CFAP61: variants seen among roughly 807,000 people sequenced by gnomAD.
CFAP61 encodes the protein cilia and flagella associated protein 61.
In CFAP61, 107 loss-of-function variants were observed where a neutral mutation model predicts 135.6. That is an observed-to-expected ratio of 0.79 (90% CI 0.67 to 0.93). CFAP61 has a LOEUF of 0.93. Among genes scored for constraint, CFAP61 ranks in the 40% least tolerant of loss-of-function variants. The pLI is 0.00. For synonymous variants in CFAP61, 575 were observed against 578.5 expected (o/e 0.99, Z 0.09); for missense variants, 1,507 against 1,556.2 (o/e 0.97, Z 0.53).
rs1217985171 is a variant in CFAP61 at position 20,091,047 on chromosome 20, G to A, written c.699+71G>A. ...GGGATGTGAGTGGTGTTGCTCTTGCGTTGCTGGGCACCCCTGGAGCTGCCA... is the reference window on the plus strand; with the variant it reads ...GGGATGTGAGTGGTGTTGCTCTTGCATTGCTGGGCACCCCTGGAGCTGCCA... On this transcript the variant is annotated intron_variant, in intron 7 of 26. Transcript: ENST00000245957. The A allele has an allele frequency of 6.5e-6, 10 of 1,548,748 alleles. No homozygotes were observed. The South Asian group carries it at 7.0e-5, about 11-fold the overall frequency.
At chr20:20,074,948 C>G (rs2045951066) in intron 4 of CFAP61, among the ~76,000 whole-genome samples, 1 of 152,012 alleles carries the variant, frequency 6.6e-6, no homozygotes, top group Non-Finnish European at 1.5e-5. Context: ...AACATGGCAC[C>G]CTTTATTCTC....
intron 13 of CFAP61, among the ~76,000 whole-genome samples, chr20:20,186,189 C>T (rs1018385901): frequency 2.0e-5 from 3 of 152,216 alleles, no homozygotes; most frequent in East Asian, 3.9e-4. Context: ...CTCTTCTCCC[C>T]TCAGCCCCCA....
intron 17 of CFAP61, 79 bp from the exon 18 acceptor site, chr20:20,228,170 T>C: frequency 7.4e-7 from 1 of 1,356,802 alleles, no homozygotes; most frequent in Non-Finnish European, 1.0e-6. Flanking sequence ...TAGATAATTC[T>C]ACATAGTTGC....
chr20:20,149,455 C>G (rs1404272854), intron 9 of CFAP61, among the ~76,000 whole-genome samples: 4 of 152,262 alleles, frequency 2.6e-5, no homozygotes, highest in Middle Eastern at 3.4e-3. Flanking sequence ...CCAGGAAAAC[C>G]AAAAGAAACC....
intron 15 of CFAP61, among the ~76,000 whole-genome samples, chr20:20,195,670 C>G (rs1041060799): frequency 1.3e-5 from 2 of 152,176 alleles, no homozygotes; most frequent in African/African-American, 4.8e-5. Flanking sequence ...TTTAAATTAC[C>G]TTCCTCTGTA....
intron 25 of CFAP61, among the ~76,000 whole-genome samples, chr20:20,315,152 A>C (rs993576520): frequency 6.6e-6 from 1 of 151,654 alleles, no homozygotes; most frequent in African/African-American, 2.4e-5. Context: ...CAGTCCCACC[A>C]ACAGTGTAAA....
rs79493447 is a variant in CFAP61 at position 20,155,919 on chromosome 20, G to T, written c.952-3451G>T. Among the ~76,000 whole-genome samples, 833 of 152,256 alleles carry T rather than the reference G, an allele frequency of 5.5e-3. 2 individuals carry two copies. The highest frequency in any genetic ancestry group is 8.4e-3 in the Non-Finnish European group (571 of 67,986). ...TTTGATCCAGCAGTCCCACTACTGG[G>T]TGTCTACCGAGTGGAAAAGAAGTCA... On this transcript the variant is annotated intron_variant, in intron 9 of 26. Transcript: ENST00000245957.
chr20:20,258,310 G>C (rs953674748), intron 20 of CFAP61: 1 of 152,140 alleles, frequency 6.6e-6, no homozygotes, highest in Non-Finnish European at 1.5e-5. Context: ...TCTTGATCAA[G>C]GGTAAAATCC....
intron 13 of CFAP61, among the ~76,000 whole-genome samples, chr20:20,181,159 A>G (rs2055037830): frequency 8.8e-6 from 1 of 113,310 alleles, no homozygotes; most frequent in Admixed American, 8.9e-5. Flanking sequence ...ATTTAAAGTA[A>G]AAGTTATATA....
In CFAP61 at chr20:20,081,000, C is replaced by CA. The variant is rs796113908; in HGVS notation, c.566+5396dup. ...CTGGCGACAGAGCAAGACTCCATCT[C>CA]AAAAAAAAAAAGAAAAGAAAAAAGG... is the stretch of plus-strand genomic sequence containing the variant. On this transcript the variant is annotated intron_variant, in intron 6 of 26. Transcript: ENST00000245957. Among the ~76,000 whole-genome samples the CA allele has an allele frequency of 6.9e-3, 932 of 135,260 alleles. 7 individuals are homozygous for CA. The highest frequency in any genetic ancestry group is 0.021 in the African/African-American group (784 of 36,668). 88.7% of individuals were successfully genotyped at this position (135,260 alleles called of 152,430 possible). A position where few individuals can be genotyped will look rare whatever the true frequency, so the allele number is the denominator to read the frequency against.
chr20:20,118,267 T>TTCTTTCTTTCTG (rs1476372818), intron 8 of CFAP61, among the ~76,000 whole-genome samples: 7 of 79,134 alleles, frequency 8.8e-5, no homozygotes, highest in Admixed American at 2.9e-4. Context: ...CTTTCTTTCT[T>TTCTTTCTTTCTG]TCTTTCTTTC....
chr20:20,191,227 G>A, intron 14 of CFAP61, 115 bp from the exon 15 acceptor site: 4 of 731,574 alleles, frequency 5.5e-6, no homozygotes, highest in Non-Finnish European at 9.0e-6. Flanking sequence ...AGTAGGTGTT[G>A]ATAGATGTTT....
chr20:20,259,439 T>G (rs2051978539), intron 20 of CFAP61, among the ~76,000 whole-genome samples: 1 of 146,064 alleles, frequency 6.8e-6, no homozygotes, highest in Non-Finnish European at 1.5e-5. Context: ...TTTTTTTTTT[T>G]GTATTTGTAT....
At chr20:20,270,920 C>T (rs1426026487) in intron 21 of CFAP61, among the ~76,000 whole-genome samples, 1 of 152,200 alleles carries the variant, frequency 6.6e-6, no homozygotes, top group Non-Finnish European at 1.5e-5. Context: ...GATCTGCCAG[C>T]CTCAACCTTT....
intron 9 of CFAP61, among the ~76,000 whole-genome samples, chr20:20,147,748 A>G (rs1161681352): frequency 6.6e-6 from 1 of 151,942 alleles, no homozygotes; most frequent in Non-Finnish European, 1.5e-5. Flanking sequence ...TAGTTTAGTT[A>G]GGTCCAATTT....
chr20:20,329,947 T>A (rs2057920466), intron 25 of CFAP61, among the ~76,000 whole-genome samples: 1 of 152,214 alleles, frequency 6.6e-6, no homozygotes. Flanking sequence ...TCTTTACATG[T>A]CCGTCATCTC....
At chr20:20,130,116 C>T (rs952758751) in intron 8 of CFAP61, among the ~76,000 whole-genome samples, 2 of 151,326 alleles carry the variant, frequency 1.3e-5, no homozygotes, top group South Asian at 2.1e-4. Flanking sequence ...GGTGAAACCC[C>T]GTCTCTACTA....
intron 13 of CFAP61, among the ~76,000 whole-genome samples, chr20:20,176,658 AGAACACAT>A (rs2054649901): frequency 6.6e-6 from 1 of 152,176 alleles, no homozygotes; most frequent in Admixed American, 6.5e-5. Context: ...CTGAATGATG[AGAACACAT>A]GAACACATGC....
intron 15 of CFAP61, among the ~76,000 whole-genome samples, chr20:20,192,156 GACATTAAAA>G (rs1348579985): frequency 6.6e-6 from 1 of 152,052 alleles, no homozygotes; most frequent in Non-Finnish European, 1.5e-5. Context: ...AGGGAGAATT[GACATTAAAA>G]TATAGAGACT....
Sources: allele counts gnomAD v4.1 joint callset (sites outside exome capture counted in the v4.1 genomes callset), GRCh38; gene constraint gnomAD v4.1.1; transcripts MANE v1.5; gene names NCBI Gene and HGNC (gene_info 2026-07-23, HGNC 2026-07-21).